Variants in ADAM9 observed in about 807,000 individuals in gnomAD.
The protein encoded by ADAM9 is disintegrin and metalloproteinase domain-containing protein 9.
Under a neutral mutation model 108.1 loss-of-function variants are expected in ADAM9, and 54 were observed. That is an observed-to-expected ratio of 0.50 (90% confidence interval 0.40 to 0.63). ADAM9 has a LOEUF of 0.63. ADAM9 is among the 20% of genes least tolerant of loss of function. ADAM9 has a pLI of 0.00. For synonymous variants in ADAM9, 316 were observed against 336.0 expected, an observed-to-expected ratio of 0.94 and a Z score of 0.65; for missense variants, 830 against 997.7, an observed-to-expected ratio of 0.83 and a Z score of 2.26.
chr8:39,073,172 A>G (rs1199121070), intron 15 of ADAM9, among the ~76,000 whole-genome samples: 2 of 152,232 alleles, frequency 1.3e-5, no homozygotes, highest in Non-Finnish European at 2.9e-5. Flanking sequence ...GTTATTCTAT[A>G]AATGTCAAGT....
chr8:39,045,596 T>C (rs761241212), intron 12 of ADAM9, among the ~76,000 whole-genome samples: 11 of 146,268 alleles, frequency 7.5e-5, no homozygotes, highest in Non-Finnish European at 1.3e-4. Flanking sequence ...ATAAAAGATT[T>C]TTCTCATCCA....
rs2129430169 is a variant in ADAM9, at chr8:38,997,069, G to A, written c.6G>A (p.Gly2=). 2 of 1,607,704 alleles carry A rather than the reference G, an allele frequency of 1.2e-6. No homozygotes were observed. Among genetic ancestry groups the A allele is most frequent in the Non-Finnish European group, 1.7e-6 (2 of 1,179,570 alleles). The part of the protein sequence containing the change: M[G]SGARFPSGTL... Reference sequence around the variant, plus strand: ...AACCTGCGGAATCGGCCGAGATGGGGTCTGGCGCGCGCTTTCCCTCGGGGA... The same window carrying A: ...AACCTGCGGAATCGGCCGAGATGGGATCTGGCGCGCGCTTTCCCTCGGGGA... Residue 2 remains glycine, a synonymous_variant, in exon 1 of 22, where the codon GGG becomes GGA. Transcript: ENST00000487273.
At chr8:39,050,863 A>C (rs577108351) in intron 12 of ADAM9, among the ~76,000 whole-genome samples, 4 of 109,798 alleles carry the variant, frequency 3.6e-5, no homozygotes, top group African/African-American at 1.4e-4. Flanking sequence ...TTTAATCACT[A>C]TGTTAAACTG....
intron 21 of ADAM9, among the ~76,000 whole-genome samples, chr8:39,102,772 A>G (rs1280753986): frequency 2.0e-5 from 3 of 152,238 alleles, no homozygotes; most frequent in Non-Finnish European, 2.9e-5. Flanking sequence ...ACTAAAAACT[A>G]AAAGAATCAA....
At chr8:39,054,333 T>A in intron 12 of ADAM9, 148 bp from the exon 13 acceptor site, 1 of 701,452 alleles carries the variant, frequency 1.4e-6, no homozygotes, top group East Asian at 2.8e-5. Flanking sequence ...CATTGTTAAA[T>A]CCAGAAACAG....
chr8:39,057,528 G>T (rs547607542), intron 14 of ADAM9, among the ~76,000 whole-genome samples: 1 of 152,072 alleles, frequency 6.6e-6, no homozygotes, highest in Non-Finnish European at 1.5e-5. Flanking sequence ...TGTCAGATCT[G>T]CAGGGAGAGT....
At chr8:39,002,788 G>T (rs1302016321) in intron 1 of ADAM9, among the ~76,000 whole-genome samples, 1 of 152,152 alleles carries the variant, frequency 6.6e-6, no homozygotes. Context: ...GATTAGACAT[G>T]TTAAGTTTCA....
At chr8:39,077,527 AT>A in intron 16 of ADAM9, 116 bp downstream of exon 16, 1 of 1,033,526 alleles carries the variant, frequency 9.7e-7, no homozygotes, top group Non-Finnish European at 1.4e-6. Flanking sequence ...CATTATAGAA[AT>A]TTTAGAAAAT....
At chr8:39,026,563 C>A in intron 10 of ADAM9, 114 bp from the exon 11 acceptor site, 1 of 1,291,488 alleles carries the variant, frequency 7.7e-7, no homozygotes, top group Non-Finnish European at 1.1e-6. Flanking sequence ...TGATTTATCA[C>A]GTAGGCTGTC....
At chr8:39,078,215 C>G (rs989776103) in intron 16 of ADAM9, among the ~76,000 whole-genome samples, 1 of 152,098 alleles carries the variant, frequency 6.6e-6, no homozygotes, top group Non-Finnish European at 1.5e-5. Context: ...TGGTCCTGTC[C>G]TTGCAACTAA....
At chr8:39,051,834 A>G (rs1013266171) in intron 12 of ADAM9, among the ~76,000 whole-genome samples, 10 of 152,278 alleles carry the variant, frequency 6.6e-5, no homozygotes, top group African/African-American at 2.4e-4. Context: ...ACTATGATTT[A>G]TTTAACCATA....
intron 11 of ADAM9, among the ~76,000 whole-genome samples, chr8:39,034,508 T>C (rs1837206183): frequency 6.6e-6 from 1 of 152,234 alleles, no homozygotes; most frequent in Admixed American, 6.5e-5. Context: ...CCATTTGGTA[T>C]CCATTTTTCA....
chr8:39,089,405 T>G (rs1004289316), intron 18 of ADAM9, among the ~76,000 whole-genome samples: 1 of 152,232 alleles, frequency 6.6e-6, no homozygotes, highest in Non-Finnish European at 1.5e-5. Flanking sequence ...GCTTGTAATA[T>G]TCTTATAAAT....
intron 20 of ADAM9, among the ~76,000 whole-genome samples, chr8:39,100,588 T>A (rs1040808987): frequency 3.3e-5 from 5 of 152,160 alleles, no homozygotes; most frequent in African/African-American, 1.2e-4. Context: ...TTTAGAGTGC[T>A]GTTCCTATGG....
chr8:39,043,904 T>C (rs1471534413), intron 12 of ADAM9, among the ~76,000 whole-genome samples: 1 of 152,176 alleles, frequency 6.6e-6, no homozygotes, highest in Admixed American at 6.5e-5. Context: ...CTGAGTTACT[T>C]CAATTAGGAA....
At chr8:39,098,956 G>GAT (rs1189225276) in intron 20 of ADAM9, among the ~76,000 whole-genome samples, 3 of 151,830 alleles carry the variant, frequency 2.0e-5, no homozygotes, top group South Asian at 2.1e-4. Flanking sequence ...AATTTTTGTT[G>GAT]ATATATATAT....
rs1479592589 is a variant in ADAM9, at chr8:39,045,048, GTA to G, written c.1302+2933_1302+2934del. 1.9e-4 allele frequency among the ~76,000 whole-genome samples: 10 copies of G among 53,856 alleles called. 1 individual carries two copies. Among genetic ancestry groups the G allele is most frequent in the East Asian group, 3.4e-3 (2 of 586 alleles). 35.3% of individuals were successfully genotyped at this position (53,856 alleles called of 152,430 possible). ...TGTGTGCATACATACATATGTATGTGTATGTGTGTGTGCATACATACATATGT... is the reference window on the plus strand; with the variant it reads ...TGTGTGCATACATACATATGTATGTGTGTGTGTGTGCATACATACATATGT... On this transcript the variant is annotated intron_variant, in intron 12 of 21. Transcript: ENST00000487273.
chr8:39,085,242 T>C (rs1329025825), intron 18 of ADAM9, among the ~76,000 whole-genome samples: 3 of 152,192 alleles, frequency 2.0e-5, no homozygotes, highest in Non-Finnish European at 4.4e-5. Flanking sequence ...TGTAGTGATA[T>C]TGTAACACTT....
chr8:39,049,219 C>G (rs1837873591), intron 12 of ADAM9, among the ~76,000 whole-genome samples: 1 of 151,286 alleles, frequency 6.6e-6, no homozygotes, highest in Non-Finnish European at 1.5e-5. Context: ...ATCCCTATTC[C>G]TTTTTCTTTT....
Sources: gnomAD v4.1 joint callset for allele counts (sites outside exome capture counted in the v4.1 genomes callset) on GRCh38, gnomAD v4.1.1 for gene constraint, MANE v1.5 for transcripts, NCBI Gene and HGNC (gene_info 2026-07-23, HGNC 2026-07-21) for gene names.